Variants in ARHGDIB observed in about 807,000 individuals in gnomAD.
ARHGDIB encodes the protein rho GDP-dissociation inhibitor 2.
In ARHGDIB, 20 loss-of-function variants were observed where a neutral mutation model predicts 22.6. The ratio of observed to expected loss-of-function variants is 0.88; its 90% CI spans 0.62 to 1.28. The LOEUF (loss-of-function observed/expected upper bound fraction) is 1.28. ARHGDIB is among the 50% of genes most tolerant of loss of function. The pLI is 0.00. For synonymous variants in ARHGDIB, 114 were observed against 96.1 expected, an observed-to-expected ratio of 1.19 and a Z score of -1.09; for missense variants, 254 against 245.4, an observed-to-expected ratio of 1.04 and a Z score of -0.23.
chr12:14,950,692 C>A lies in ARHGDIB; in HGVS notation c.21G>T (p.Glu7Asp). 1 of 1,609,100 alleles carries A rather than the reference C, an allele frequency of 6.2e-7. No homozygotes were observed. Among genetic ancestry groups the A allele is most frequent in the Admixed American group, 1.7e-5 (1 of 58,846 alleles). ...CATCGTCATCCTCCTCCACATGTGG[C>A]TCTGGGGCTTTTTCAGTCATTCTGA... The part of the protein sequence containing the change: MTEKAP[E>D]PHVEEDDDDE... The change falls in exon 2 of 6, where the codon GAG becomes GAT. Residue 7 changes from glutamate to aspartate, a missense_variant. By Grantham distance (45) the Glu-to-Asp change is conservative. Coordinates refer to ENST00000228945, the MANE Select transcript of ARHGDIB (RefSeq NM_001175.7).
intron 2 of ARHGDIB, among the ~76,000 whole-genome samples, chr12:14,950,141 G>A (rs1392287070): frequency 6.6e-6 from 1 of 152,166 alleles, no homozygotes; most frequent in African/African-American, 2.4e-5. Flanking sequence ...CTATGGGTCA[G>A]GTACTCTGCT....
chr12:14,947,726 G>T (rs1864052694), intron 4 of ARHGDIB, 147 bp downstream of exon 4: 1 of 670,640 alleles, frequency 1.5e-6, no homozygotes, highest in Non-Finnish European at 2.6e-6. Context: ...AGCCCTCAGG[G>T]CTGGGAAGAG....
At position 14,942,488 on chromosome 12, in the gene ARHGDIB, C is replaced by T. The variant is rs551253086; in HGVS notation, c.*34G>A. The T allele has an allele frequency of 8.7e-6, 14 of 1,612,168 alleles. No homozygotes were observed. The South Asian group carries it at 1.4e-4, about 16-fold the overall frequency. The stretch of plus-strand genomic sequence containing the variant: ...CTGAACACGCCTGAGAGAATTCTTC[C>T]AGGTGGCAAGGGTGGGGAAAGGGGT... On this transcript the variant is annotated 3_prime_UTR_variant, in exon 6 of 6. Coordinates refer to ENST00000228945, the MANE Select transcript of ARHGDIB (RefSeq NM_001175.7).
At chr12:14,942,854 T>C (rs1863903548) in intron 5 of ARHGDIB, 133 bp from the exon 6 acceptor site, 1 of 776,024 alleles carries the variant, frequency 1.3e-6, no homozygotes, top group South Asian at 1.9e-5. Context: ...AAATAAACAT[T>C]AGATTTACCT....
intron 4 of ARHGDIB, among the ~76,000 whole-genome samples, chr12:14,945,626 T>A (rs1217472929): frequency 6.6e-6 from 1 of 152,264 alleles, no homozygotes; most frequent in Admixed American, 6.5e-5. Flanking sequence ...CCGAAGAGCT[T>A]GGTTATCTGT....
Position 14,943,157 on chromosome 12 carries a change from C to T in ARHGDIB, c.407-436G>A, listed in dbSNP as rs143858785. 1.8e-3 allele frequency among the ~76,000 whole-genome samples: 270 copies of T among 152,060 alleles called. 1 individual carries two copies. Among genetic ancestry groups the T allele is most frequent in the Non-Finnish European group, 2.9e-3 (196 of 67,984 alleles). ...TACTGGGATTACAGGTGTGAGCCAC[C>T]GCACCTGGCCCTGAGGCATCTTTTT... On this transcript the variant is annotated intron_variant, in intron 5 of 5. Transcript: ENST00000228945.
At chr12:14,959,853 G>A (rs1864376270) in intron 1 of ARHGDIB, among the ~76,000 whole-genome samples, 1 of 152,208 alleles carries the variant, frequency 6.6e-6, no homozygotes, top group South Asian at 2.1e-4. Context: ...AAGCATGGAT[G>A]GAGAAAGAAC....
chr12:14,950,669 T>C lies in ARHGDIB; in HGVS notation c.44A>G (p.Asp15Gly), dbSNP rs774246191. 2 of 1,613,650 alleles carry C rather than the reference T, an allele frequency of 1.2e-6. No homozygotes were observed. The highest frequency in any genetic ancestry group is 1.3e-5 in the African/African-American group (1 of 74,894). ...APEPHVEEDD[D>G]DELDSKLNYK... is the part of the protein sequence containing the mutation. ...ATTGAGCTTGCTGTCCAGCTCATCA[T>C]CGTCATCCTCCTCCACATGTGGCTC... The change falls in exon 2 of 6, where the codon GAT (aspartate) becomes GGT (glycine). Residue 15 changes from aspartate to glycine, a missense_variant. Coordinates refer to ENST00000228945, the MANE Select transcript of ARHGDIB (RefSeq NM_001175.7).
At chr12:14,944,612 T>C (rs1863964988) in intron 5 of ARHGDIB, among the ~76,000 whole-genome samples, 164 bp downstream of exon 5, 1 of 152,220 alleles carries the variant, frequency 6.6e-6, no homozygotes, top group African/African-American at 2.4e-5. Flanking sequence ...ATTGGCCTTG[T>C]CAATGTCTAT....
intron 1 of ARHGDIB, among the ~76,000 whole-genome samples, chr12:14,958,170 G>A (rs1246014023): frequency 6.6e-6 from 1 of 152,134 alleles, no homozygotes; most frequent in East Asian, 1.9e-4. Flanking sequence ...TTACGGGATT[G>A]CAAATTTGTC....
At chr12:14,955,951 T>C (rs969018026) in intron 1 of ARHGDIB, among the ~76,000 whole-genome samples, 27 of 152,204 alleles carry the variant, frequency 1.8e-4, no homozygotes, top group African/African-American at 6.5e-4. Flanking sequence ...GAGGATTATC[T>C]CATTTAGTTC....
chr12:14,956,316 G>C (rs1434065502), intron 1 of ARHGDIB: 1 of 152,168 alleles, frequency 6.6e-6, no homozygotes, highest in Non-Finnish European at 1.5e-5. Flanking sequence ...TAACCTCACT[G>C]GGCCCCAGTT....
chr12:14,957,427 G>A (rs1864325341), intron 1 of ARHGDIB, among the ~76,000 whole-genome samples: 2 of 152,206 alleles, frequency 1.3e-5, no homozygotes, highest in South Asian at 4.1e-4. Flanking sequence ...TGGGAGCTAT[G>A]TCCCCACTCC....
At chr12:14,959,229 G>C (rs1864361635) in intron 1 of ARHGDIB, among the ~76,000 whole-genome samples, 1 of 152,144 alleles carries the variant, frequency 6.6e-6, no homozygotes, top group Non-Finnish European at 1.5e-5. Flanking sequence ...GACCAGCCCT[G>C]GCAACATGGA....
In ARHGDIB at chr12:14,948,247, G is replaced by A. The variant is rs566251111; in HGVS notation, c.266-298C>T. On this transcript the variant is annotated intron_variant, in intron 3 of 5. Coordinates refer to ENST00000228945, the MANE Select transcript of ARHGDIB (RefSeq NM_001175.7). ...CAAGACATTACAAATAATGAGTTGTGAAGATAAATCTTTTTTTGGTCCATT... is the reference window on the plus strand; with the variant it reads ...CAAGACATTACAAATAATGAGTTGTAAAGATAAATCTTTTTTTGGTCCATT... Among the ~76,000 whole-genome samples, 10 of 152,178 alleles carry A rather than the reference G, an allele frequency of 6.6e-5. No individual in the cohort carries two copies. In the East Asian group the frequency reaches 1.9e-3, roughly 29 times the overall value.
At chr12:14,950,199 G>A (rs1044397160) in intron 2 of ARHGDIB, among the ~76,000 whole-genome samples, 5 of 152,060 alleles carry the variant, frequency 3.3e-5, no homozygotes, top group African/African-American at 7.2e-5. Context: ...TTGTTCTGCC[G>A]CGGTGTATGT....
rs1165558712 is a variant in ARHGDIB, at chr12:14,950,686, A to G, written c.27T>C (p.His9=). Residue 9 remains histidine (H), a synonymous_variant, in exon 2 of 6, where the codon CAT becomes CAC. Coordinates refer to ENST00000228945, the MANE Select transcript of ARHGDIB (RefSeq NM_001175.7). The part of the protein sequence containing the change: MTEKAPEP[H]VEEDDDDELD... ...GCTCATCATCGTCATCCTCCTCCAC[A>G]TGTGGCTCTGGGGCTTTTTCAGTCA... is the stretch of plus-strand genomic sequence containing the variant. 6.2e-7 allele frequency: 1 copy of G among 1,612,358 alleles called. No individual in the cohort carries two copies. Among genetic ancestry groups the G allele is most frequent in the Admixed American group, 1.7e-5 (1 of 59,642 alleles).
At chr12:14,959,418 C>A (rs1023748478) in intron 1 of ARHGDIB, among the ~76,000 whole-genome samples, 6 of 152,156 alleles carry the variant, frequency 3.9e-5, no homozygotes, top group African/African-American at 1.4e-4. Flanking sequence ...GGCTATTGAT[C>A]CTTTTTGTAT....
At chr12:14,947,620 A>G in intron 4 of ARHGDIB, 1 of 411,070 alleles carries the variant, frequency 2.4e-6, no homozygotes, top group Non-Finnish European at 4.4e-6. Flanking sequence ...ATGTGTTTGG[A>G]GTTCACAGAG....
Sources: allele counts gnomAD v4.1 joint callset (sites outside exome capture counted in the v4.1 genomes callset), GRCh38; gene constraint gnomAD v4.1.1; transcripts MANE v1.5; gene names NCBI Gene and HGNC (gene_info 2026-07-23, HGNC 2026-07-21).